Variants in ITPR2 observed in about 807,000 individuals in gnomAD.
The protein encoded by ITPR2 is inositol 1,4,5-trisphosphate-gated calcium channel ITPR2.
A neutral mutation model predicts 317.1 loss-of-function variants in ITPR2; 207 were observed. The observed-to-expected ratio is 0.65, with a 90% confidence interval of 0.58 to 0.73. ITPR2 has a LOEUF of 0.73. Ranked by LOEUF, ITPR2 falls within the 30% of genes least tolerant of loss-of-function variation. The probability of loss-of-function intolerance (pLI) is 0.00; values close to 1 mark genes in which losing one functional copy is unlikely to be tolerated. For synonymous variants in ITPR2, 1,156 were observed against 1,149.1 expected (o/e 1.01, Z -0.12); for missense variants, 2,613 against 3,284.0 (o/e 0.80, Z 4.99).
chr12:26,430,841 T>G (rs1368930617), intron 48 of ITPR2, among the ~76,000 whole-genome samples: 1 of 152,140 alleles, frequency 6.6e-6, no homozygotes, highest in Non-Finnish European at 1.5e-5. Flanking sequence ...ACTCTATAGT[T>G]TCCTGTACAG....
chr12:26,510,285 C>T (rs1943305057), intron 37 of ITPR2, among the ~76,000 whole-genome samples: 1 of 152,132 alleles, frequency 6.6e-6, no homozygotes, highest in South Asian at 2.1e-4. Flanking sequence ...CACCCACCAT[C>T]CTTTTACTCC....
chr12:26,336,365 C>T lies in ITPR2; in HGVS notation c.*3032G>A, dbSNP rs1937916213. On this transcript the variant is annotated 3_prime_UTR_variant, in exon 57 of 57. Transcript: ENST00000381340. ...TGAGCTGAGAATATGGGAATAAGCA[C>T]ACAATTAGTTCTGACGAAAGAAATA... 1 of 152,140 alleles carries T rather than the reference C, an allele frequency of 6.6e-6. No individual in the cohort carries two copies. Among genetic ancestry groups the T allele is most frequent in the South Asian group, 2.1e-4 (1 of 4,816 alleles). 9.4% of individuals were successfully genotyped at this position (152,140 alleles called of 1,614,324 possible). A position where few individuals can be genotyped will look rare whatever the true frequency, so the allele number is the denominator to read the frequency against.
intron 55 of ITPR2, among the ~76,000 whole-genome samples, chr12:26,352,602 G>A (rs1938516651): frequency 6.6e-6 from 1 of 152,210 alleles, no homozygotes; most frequent in Non-Finnish European, 1.5e-5. Flanking sequence ...GACACAGGGA[G>A]GTGATACCAC....
At chr12:26,549,402 T>TA (rs1449966705) in intron 37 of ITPR2, among the ~76,000 whole-genome samples, 2 of 152,166 alleles carry the variant, frequency 1.3e-5, no homozygotes, top group Non-Finnish European at 2.9e-5. Context: ...GAATGCACTT[T>TA]AAAAAACCCA....
chr12:26,568,613 T>C (rs1945073216), intron 34 of ITPR2, among the ~76,000 whole-genome samples: 1 of 152,180 alleles, frequency 6.6e-6, no homozygotes, highest in African/African-American at 2.4e-5. Context: ...TCTCTGAGAA[T>C]ACAAACAATG....
chr12:26,469,979 C>A (rs1010259179), intron 45 of ITPR2, among the ~76,000 whole-genome samples: 3 of 152,210 alleles, frequency 2.0e-5, no homozygotes, highest in African/African-American at 7.2e-5. Flanking sequence ...GGCCTGCAAG[C>A]CCAACTGGCA....
chr12:26,768,423 A>AT (rs1555188428), intron 2 of ITPR2, among the ~76,000 whole-genome samples: 10 of 61,460 alleles, frequency 1.6e-4, no homozygotes, highest in Admixed American at 1.4e-3. Flanking sequence ...ATAAAAAAAA[A>AT]TTAAAAAAAA....
chr12:26,477,033 G>A lies in ITPR2; in HGVS notation c.6124-26C>T, dbSNP rs1263931714. The A allele has an allele frequency of 3.6e-6, 5 of 1,401,646 alleles. No individual in the cohort carries two copies. The African/African-American group carries it at 5.7e-5, about 16-fold the overall frequency. The allele number at this position is 1,401,646 out of a possible 1,614,324, so 86.8% of individuals were successfully genotyped here. Reference sequence around the variant, plus strand: ...CTAGAGACACAGATTGAGTTAATGTGCATGCAAAGTCTATTTCATGGATTA... The same window carrying A: ...CTAGAGACACAGATTGAGTTAATGTACATGCAAAGTCTATTTCATGGATTA... On this transcript the variant is annotated intron_variant, in intron 43 of 56. Coordinates refer to ENST00000381340, the MANE Select transcript of ITPR2 (RefSeq NM_002223.4).
chr12:26,807,042 A>G (rs1173662849), intron 1 of ITPR2, among the ~76,000 whole-genome samples: 1 of 152,156 alleles, frequency 6.6e-6, no homozygotes, highest in Non-Finnish European at 1.5e-5. Flanking sequence ...TACAAAAATT[A>G]GCCAGGCATG....
chr12:26,635,938 G>A (rs1476702687), intron 21 of ITPR2, among the ~76,000 whole-genome samples: 2 of 152,210 alleles, frequency 1.3e-5, no homozygotes, highest in African/African-American at 4.8e-5. Context: ...TAACCACAGA[G>A]CAGTAGGTAA....
chr12:26,677,618 T>C (rs909472596), intron 13 of ITPR2, among the ~76,000 whole-genome samples: 4 of 151,788 alleles, frequency 2.6e-5, no homozygotes, highest in African/African-American at 9.7e-5. Flanking sequence ...ATAAATAAAA[T>C]AGACTATCAG....
At chr12:26,664,576 CAAG>C in intron 14 of ITPR2, among the ~76,000 whole-genome samples, 1 of 152,184 alleles carries the variant, frequency 6.6e-6, no homozygotes, top group South Asian at 2.1e-4. Flanking sequence ...AAAGAGCGGT[CAAG>C]GGCATGAACA....
chr12:26,670,999 A>C (rs946231039), intron 13 of ITPR2, among the ~76,000 whole-genome samples: 110 of 152,192 alleles, frequency 7.2e-4, no homozygotes, highest in African/African-American at 2.3e-3. Flanking sequence ...AGTTTAGAGA[A>C]AAAAGAATAA....
At chr12:26,637,305 A>T (rs1480429640) in intron 21 of ITPR2, among the ~76,000 whole-genome samples, 1 of 152,248 alleles carries the variant, frequency 6.6e-6, no homozygotes, top group Non-Finnish European at 1.5e-5. Flanking sequence ...CCATAAAAAA[A>T]TTAAGAACAA....
intron 34 of ITPR2, among the ~76,000 whole-genome samples, chr12:26,564,753 G>T (rs1421955887): frequency 6.6e-6 from 1 of 152,178 alleles, no homozygotes; most frequent in Non-Finnish European, 1.5e-5. Flanking sequence ...TAAGAGAAAG[G>T]CATGGAACGA....
At chr12:26,478,604 T>C (rs569378084) in intron 43 of ITPR2, among the ~76,000 whole-genome samples, 12 of 152,296 alleles carry the variant, frequency 7.9e-5, no homozygotes, top group Non-Finnish European at 1.3e-4. Context: ...TTCTATATTA[T>C]GTCAGAAGAA....
At chr12:26,548,884 T>C (rs548052875) in intron 37 of ITPR2, among the ~76,000 whole-genome samples, 2 of 152,318 alleles carry the variant, frequency 1.3e-5, no homozygotes, top group Non-Finnish European at 2.9e-5. Flanking sequence ...AAAATACTCT[T>C]GACTAGCCAA....
intron 2 of ITPR2, among the ~76,000 whole-genome samples, chr12:26,774,283 G>A (rs1209472254): frequency 1.3e-5 from 2 of 152,080 alleles, no homozygotes; most frequent in Non-Finnish European, 2.9e-5. Flanking sequence ...TACATGCTCG[G>A]TAGTGGTAAG....
chr12:26,776,082 G>C (rs1374257888), intron 2 of ITPR2, among the ~76,000 whole-genome samples: 1 of 151,576 alleles, frequency 6.6e-6, no homozygotes, highest in Non-Finnish European at 1.5e-5. Flanking sequence ...TCTGGAGCTG[G>C]CTGCTTAATA....
Sources: allele counts gnomAD v4.1 joint callset (sites outside exome capture counted in the v4.1 genomes callset), GRCh38; gene constraint gnomAD v4.1.1; transcripts MANE v1.5; gene names NCBI Gene and HGNC (gene_info 2026-07-23, HGNC 2026-07-21).